The following TEX9 variants were observed in gnomAD, a reference collection of about 807,000 sequenced individuals.
The protein encoded by TEX9 is testis-expressed protein 9.
Under a neutral mutation model 59.6 loss-of-function variants are expected in TEX9, and 74 were observed. That is an observed-to-expected ratio of 1.24 (90% confidence interval 1.03 to 1.51). TEX9 has a LOEUF of 1.51. Among genes scored for constraint, TEX9 ranks in the 40% most tolerant of loss-of-function variants. TEX9 has a pLI of 0.00. For synonymous variants in TEX9, 186 were observed against 152.2 expected, an observed-to-expected ratio of 1.22 and a Z score of -1.64; for missense variants, 522 against 447.8, an observed-to-expected ratio of 1.17 and a Z score of -1.49.
At chr15:56,316,036 C>T (rs1210444784) in intron 1 of TEX9, among the ~76,000 whole-genome samples, 13 of 150,760 alleles carry the variant, frequency 8.6e-5, no homozygotes, top group African/African-American at 2.4e-4. Context: ...ATTGGTTATT[C>T]TAGTTATACC....
At chr15:56,447,442 A>G (rs1296973779), downstream of TEX9, 1 of 152,022 alleles carries the variant, frequency 6.6e-6, no homozygotes, top group African/African-American at 2.4e-5. Flanking sequence ...ATATCCTTCT[A>G]ATTATTTGGT....
At chr15:56,401,207 A>C (rs1288940061) in intron 9 of TEX9, among the ~76,000 whole-genome samples, 2 of 150,618 alleles carry the variant, frequency 1.3e-5, no homozygotes, top group Non-Finnish European at 2.9e-5. Context: ...TAGAGTCAAG[A>C]CCCATCAGTG....
chr15:56,287,543 C>CTTCAAATATAATTAGCAATT (rs2044982855), intron 1 of TEX9, among the ~76,000 whole-genome samples: 1 of 152,056 alleles, frequency 6.6e-6, no homozygotes, highest in Non-Finnish European at 1.5e-5. Context: ...GGTGAGAACA[C>CTTCAAATATAATTAGCAATT]TTCAAATATA....
chr15:56,321,152 C>T (rs181572124), intron 1 of TEX9, among the ~76,000 whole-genome samples: 6 of 152,180 alleles, frequency 3.9e-5, no homozygotes, highest in East Asian at 1.9e-4. Flanking sequence ...CTAGTAGATG[C>T]GAATGATTAG....
chr15:56,407,704 T>C (rs2049145526), intron 9 of TEX9, among the ~76,000 whole-genome samples: 1 of 152,174 alleles, frequency 6.6e-6, no homozygotes, highest in Non-Finnish European at 1.5e-5. Context: ...CTTTTGGAGA[T>C]GATTATTAAA....
intron 1 of TEX9, among the ~76,000 whole-genome samples, chr15:56,279,745 T>G (rs1430323012): frequency 6.6e-6 from 1 of 152,176 alleles, no homozygotes; most frequent in African/African-American, 2.4e-5. Flanking sequence ...TATTCATATT[T>G]TTGCCTTACT....
chr15:56,319,340 C>T (rs1414940221), intron 1 of TEX9, among the ~76,000 whole-genome samples: 14 of 144,666 alleles, frequency 9.7e-5, no homozygotes, highest in African/African-American at 3.0e-4. Context: ...CCATGATACA[C>T]AAGCAGAAGA....
In TEX9 at chr15:56,289,938, A is replaced by C. The variant is rs150818868; in HGVS notation, c.-107+45660A>C. Among the ~76,000 whole-genome samples, 1,314 of 152,350 alleles carry C rather than the reference A, an allele frequency of 8.6e-3. 7 individuals are homozygous for C. The highest frequency in any genetic ancestry group is 0.014 in the Non-Finnish European group (923 of 68,026). On this transcript the variant is annotated intron_variant, in intron 1 of 5. Coordinates refer to the TEX9 transcript ENST00000560827. ...TCGGAGTTACAAAGTCTTTGGCATC[A>C]GGCTGATGTCTAGCTCTCTATGGCA...
intron 1 of TEX9, among the ~76,000 whole-genome samples, chr15:56,302,057 A>G (rs1365093151): frequency 1.3e-5 from 2 of 152,224 alleles, no homozygotes; most frequent in Non-Finnish European, 2.9e-5. Flanking sequence ...ATTAAAGCAT[A>G]GAGTTTTTAT....
At chr15:56,286,432 CAGAG>C (rs1163720210) in intron 1 of TEX9, among the ~76,000 whole-genome samples, 1 of 152,082 alleles carries the variant, frequency 6.6e-6, no homozygotes, top group East Asian at 1.9e-4. Context: ...AGGGCGGCAG[CAGAG>C]AGAAAGAGAG....
At chr15:56,415,623 T>C (rs767746175) in intron 10 of TEX9, among the ~76,000 whole-genome samples, 45 of 151,822 alleles carry the variant, frequency 3.0e-4, no homozygotes, top group Non-Finnish European at 5.0e-4. Context: ...TTTTGTACCA[T>C]GTGCTGTTTT....
chr15:56,385,221 T>TA (rs2047907526), intron 4 of TEX9, among the ~76,000 whole-genome samples: 1 of 152,156 alleles, frequency 6.6e-6, no homozygotes, highest in African/African-American at 2.4e-5. Context: ...TGGTTGTCAT[T>TA]ATGCCAACAG....
intron 9 of TEX9, among the ~76,000 whole-genome samples, chr15:56,405,485 A>G (rs1314154130): frequency 1.3e-5 from 2 of 152,158 alleles, no homozygotes; most frequent in African/African-American, 4.8e-5. Flanking sequence ...AGTACCATCT[A>G]TTCCAAAATC....
At chr15:56,423,767 A>T (rs2050106326) in intron 10 of TEX9, among the ~76,000 whole-genome samples, 1 of 152,092 alleles carries the variant, frequency 6.6e-6, no homozygotes, top group African/African-American at 2.4e-5. Context: ...GTATATGATT[A>T]TATTTTTTCT....
At chr15:56,373,396 TTTTG>T in intron 2 of TEX9, 41 bp from the exon 3 acceptor site, 1 of 1,557,126 alleles carries the variant, frequency 6.4e-7, no homozygotes, top group Non-Finnish European at 8.7e-7. Context: ...TATTTTTTAT[TTTTG>T]TTAAGATCTT....
chr15:56,419,652 C>T (rs2049871566), intron 10 of TEX9, among the ~76,000 whole-genome samples: 3 of 151,794 alleles, frequency 2.0e-5, no homozygotes, highest in Non-Finnish European at 4.4e-5. Flanking sequence ...TGTCTGTATA[C>T]ATGGGAACAT....
At chr15:56,460,009 A>AAAAAAAAAAAATATATATATATATAT in the TEX9 span, among the ~76,000 whole-genome samples, 20 of 26,382 alleles carry the variant, frequency 7.6e-4, 5 homozygotes, top group African/African-American at 1.7e-3. Context: ...AAAAAAAAAA[A>AAAAAAAAAAAATATATATATATATAT]ATACATATAT....
At chr15:56,279,783 T>G (rs1302527152) in intron 1 of TEX9, among the ~76,000 whole-genome samples, 1 of 152,204 alleles carries the variant, frequency 6.6e-6, no homozygotes, top group African/African-American at 2.4e-5. Context: ...TTTCTTAGCA[T>G]AATTTACTAA....
intron 1 of TEX9, among the ~76,000 whole-genome samples, chr15:56,338,404 G>T (rs747328459): frequency 4.6e-5 from 7 of 152,162 alleles, no homozygotes; most frequent in Non-Finnish European, 7.3e-5. Flanking sequence ...CAGACCTGCA[G>T]GTTTTGGGTG....
Sources: allele counts gnomAD v4.1 joint callset (sites outside exome capture counted in the v4.1 genomes callset), GRCh38; gene constraint gnomAD v4.1.1; transcripts MANE v1.5; gene names NCBI Gene and HGNC (gene_info 2026-07-23, HGNC 2026-07-21).